The following DTNB variants were observed in gnomAD, a reference collection of about 807,000 sequenced individuals.
DTNB encodes the protein DTN-B.
A neutral mutation model predicts 90.7 loss-of-function variants in DTNB; 63 were observed. The observed-to-expected ratio is 0.69, with a 90% CI of 0.57 to 0.86. The LOEUF is 0.86. DTNB is among the 40% of genes least tolerant of loss of function. The probability of loss-of-function intolerance (pLI) is 0.00; values close to 1 mark genes in which losing one functional copy is unlikely to be tolerated. For missense variants in DTNB, 744 were observed against 807.1 expected (o/e 0.92, Z 0.95); for synonymous variants, 277 against 286.7 (o/e 0.97, Z 0.34).
chr2:25,492,736 G>A (rs751959285), intron 9 of DTNB, among the ~76,000 whole-genome samples: 3 of 152,032 alleles, frequency 2.0e-5, no homozygotes, highest in Non-Finnish European at 4.4e-5. Flanking sequence ...GTAGTCCCAG[G>A]TACTCAGGAG....
At chr2:25,513,304 A>G (rs538096609) in intron 9 of DTNB, among the ~76,000 whole-genome samples, 1 of 152,378 alleles carries the variant, frequency 6.6e-6, no homozygotes, top group Non-Finnish European at 1.5e-5. Flanking sequence ...TAAATGTCAA[A>G]GAGAAGCAAA....
intron 8 of DTNB, among the ~76,000 whole-genome samples, chr2:25,556,112 C>T (rs1004568031): frequency 6.7e-6 from 1 of 150,166 alleles, no homozygotes; most frequent in Non-Finnish European, 1.5e-5. Flanking sequence ...TAAGTACATA[C>T]CATAATAAAC....
intron 16 of DTNB, among the ~76,000 whole-genome samples, chr2:25,414,317 T>G (rs1178876426): frequency 6.6e-6 from 1 of 152,198 alleles, no homozygotes; most frequent in Non-Finnish European, 1.5e-5. Context: ...AGTGCAGTGG[T>G]GCGATCTCGG....
chr2:25,577,773 C>T (rs1048321806), intron 7 of DTNB, among the ~76,000 whole-genome samples: 3 of 152,102 alleles, frequency 2.0e-5, no homozygotes, highest in African/African-American at 2.4e-5. Flanking sequence ...GAGGCCGAGG[C>T]GGGCAGATCA....
chr2:25,593,326 C>A (rs371274824), intron 6 of DTNB, among the ~76,000 whole-genome samples: 175 of 152,300 alleles, frequency 1.1e-3, no homozygotes, highest in African/African-American at 4.0e-3. Flanking sequence ...GACGTAAGAG[C>A]TGATTCTCAT....
chr2:25,458,830 A>C (rs1420182018), intron 10 of DTNB, among the ~76,000 whole-genome samples: 1 of 152,122 alleles, frequency 6.6e-6, no homozygotes, highest in East Asian at 1.9e-4. Context: ...TATTTTTAGT[A>C]GAGACGGGGT....
At chr2:25,504,390 A>AGAAG in intron 9 of DTNB, among the ~76,000 whole-genome samples, 1 of 150,050 alleles carries the variant, frequency 6.7e-6, no homozygotes, top group South Asian at 2.1e-4. Context: ...AAAGAAGGAA[A>AGAAG]GAAGGAAGGA....
chr2:25,396,654 A>G (rs2042443293), intron 16 of DTNB, among the ~76,000 whole-genome samples: 1 of 151,464 alleles, frequency 6.6e-6, no homozygotes, highest in Non-Finnish European at 1.5e-5. Context: ...AGAAATCACT[A>G]AAGAACTTAT....
chr2:25,402,496 T>G (rs2043983964), intron 16 of DTNB, among the ~76,000 whole-genome samples: 1 of 152,210 alleles, frequency 6.6e-6, no homozygotes, highest in African/African-American at 2.4e-5. Context: ...AGTGGAGTCT[T>G]TTAAAGATGA....
chr2:25,405,472 G>A (rs749775400), intron 16 of DTNB, among the ~76,000 whole-genome samples: 1 of 152,014 alleles, frequency 6.6e-6, no homozygotes, highest in Non-Finnish European at 1.5e-5. Context: ...ACTGGGAAAC[G>A]GAGGTTGTAG....
At chr2:25,566,284 G>A (rs1048818966) in intron 8 of DTNB, among the ~76,000 whole-genome samples, 7 of 152,154 alleles carry the variant, frequency 4.6e-5, no homozygotes, top group African/African-American at 1.7e-4. Flanking sequence ...CAGCACCACA[G>A]GTGCAACTAA....
chr2:25,533,968 AT>A (rs1328552796), intron 8 of DTNB, among the ~76,000 whole-genome samples: 1 of 148,418 alleles, frequency 6.7e-6, no homozygotes, highest in Admixed American at 6.7e-5. Context: ...TTATTTATTT[AT>A]TTTTTGGAAA....
intron 4 of DTNB, among the ~76,000 whole-genome samples, chr2:25,609,671 C>CTTATGG (rs2068041787): frequency 2.1e-5 from 3 of 143,342 alleles, no homozygotes. Context: ...CACACACACA[C>CTTATGG]ACACACACAC....
intron 16 of DTNB, among the ~76,000 whole-genome samples, chr2:25,409,738 G>A (rs55971845): frequency 3.5e-4 from 54 of 152,234 alleles, no homozygotes; most frequent in Non-Finnish European, 4.0e-4. Flanking sequence ...CAAGAGAACC[G>A]ACGGTCCTTC....
intron 9 of DTNB, among the ~76,000 whole-genome samples, chr2:25,527,068 G>C (rs2077318204): frequency 6.6e-6 from 1 of 151,932 alleles, no homozygotes; most frequent in South Asian, 2.1e-4. Flanking sequence ...CATAACTTGG[G>C]AAATATTTAG....
rs2060805732 is a variant in DTNB, at chr2:25,460,763, G to A, written c.1080-5269C>T. 2.6e-5 allele frequency among the ~76,000 whole-genome samples: 4 copies of A among 152,232 alleles called. 1 individual carries two copies. Among genetic ancestry groups the A allele is most frequent in the Admixed American group, 2.6e-4 (4 of 15,272 alleles). Reference sequence around the variant, plus strand: ...AATAACAGGAGGTGAAAGTCTGACTGGGTGTGTTTGAAAGGAAATGGCAGA... The same window carrying A: ...AATAACAGGAGGTGAAAGTCTGACTAGGTGTGTTTGAAAGGAAATGGCAGA... On this transcript the variant is annotated intron_variant, in intron 10 of 20. Coordinates refer to ENST00000406818, the MANE Select transcript of DTNB (RefSeq NM_021907.5).
chr2:25,565,051 A>C (rs988591654), intron 8 of DTNB, among the ~76,000 whole-genome samples: 2 of 152,170 alleles, frequency 1.3e-5, no homozygotes, highest in African/African-American at 4.8e-5. Flanking sequence ...TCATCTGTGA[A>C]GAGAGGTAGT....
intron 16 of DTNB, among the ~76,000 whole-genome samples, chr2:25,397,505 T>C (rs2042694313): frequency 6.6e-6 from 1 of 152,190 alleles, no homozygotes; most frequent in South Asian, 2.1e-4. Context: ...AGGGCTGGTT[T>C]CGAGTTTGCC....
intron 5 of DTNB, among the ~76,000 whole-genome samples, chr2:25,604,475 T>G (rs1461080352): frequency 4.6e-5 from 7 of 152,028 alleles, no homozygotes; most frequent in Non-Finnish European, 8.8e-5. Flanking sequence ...GACATGACCA[T>G]AGCTCACTGC....
Sources: allele counts gnomAD v4.1 joint callset (sites outside exome capture counted in the v4.1 genomes callset), GRCh38; gene constraint gnomAD v4.1.1; transcripts MANE v1.5; gene names NCBI Gene and HGNC (gene_info 2026-07-23, HGNC 2026-07-21).